Variants in ASXL2 observed in about 807,000 individuals in gnomAD.
ASXL2 encodes the protein ASXL transcriptional regulator 2.
Under a neutral mutation model 122.0 loss-of-function variants are expected in ASXL2, and 23 were observed. The observed-to-expected ratio is 0.19, with a 90% CI of 0.14 to 0.27. ASXL2 has a LOEUF of 0.27. Among genes scored for constraint, ASXL2 ranks in the 10% least tolerant of loss-of-function variants. The pLI, the probability that ASXL2 is intolerant of heterozygous loss-of-function variation, is 1.00. For synonymous variants in ASXL2, 650 were observed against 637.0 expected, an observed-to-expected ratio of 1.02 and a Z score of -0.31; for missense variants, 1,518 against 1,713.8, an observed-to-expected ratio of 0.89 and a Z score of 2.02.
Position 25,771,510 on chromosome 2 carries a change from G to A in ASXL2, c.434C>T (p.Pro145Leu), listed in dbSNP as rs759131979. 25 of 1,613,536 alleles carry A rather than the reference G, an allele frequency of 1.5e-5. 1 individual carries two copies. In the South Asian group the frequency reaches 2.3e-4, roughly 15 times the overall value. ...TTTACCTGCTGGAATGGTGGGTGAT[G>A]GGCAGCCTGACTGCGGGGAGGACGA... ...VSSSSPQSGC[P>L]SPTIPAGKVI... The change falls in exon 6 of 13, where the codon CCA (proline) becomes CTA (leucine). Residue 145 changes from proline to leucine, a missense_variant. Coordinates refer to ENST00000435504, the MANE Select transcript of ASXL2 (RefSeq NM_018263.6).
Position 25,744,052 on chromosome 2 carries a change from T to C in ASXL2, c.2285A>G (p.Gln762Arg). The C allele has an allele frequency of 6.2e-7, 1 of 1,614,020 alleles. No individual in the cohort carries two copies. Among genetic ancestry groups the C allele is most frequent in the South Asian group, 1.1e-5 (1 of 91,086 alleles). Residue 762 changes from glutamine (Q) to arginine (R), a missense_variant, in exon 13 of 13, where the codon CAG (glutamine) becomes CGG (arginine). By Grantham distance (43) the Gln-to-Arg change is conservative. Coordinates refer to ENST00000435504, the MANE Select transcript of ASXL2 (RefSeq NM_018263.6). The surrounding 1 kb of genome is among the most constrained non-coding windows in gnomAD (Gnocchi z 4.7). The stretch of plus-strand genomic sequence containing the variant: ...TCCAGAGACACTATGAGGCTGTGCC[T>C]GGCTTGGGGTGGTCTTGGTCTCAGA... ...PQSETKTTPS[Q>R]AQPHSVSGAQ...
Position 25,842,296 on chromosome 2 carries a change from C to T in ASXL2, c.140+3185G>A, listed in dbSNP as rs574455401. ...AAGCACATTCCCTGCTAAGGGTGGT[C>T]AGCATGTACTGCTTTGTTGTGCTGT... On this transcript the variant is annotated intron_variant, in intron 2 of 12. Transcript: ENST00000435504. Among the ~76,000 whole-genome samples, 5 of 152,204 alleles carry T rather than the reference C, an allele frequency of 3.3e-5. No homozygotes were observed. In the South Asian group the frequency reaches 1.0e-3, roughly 32 times the overall value.
At chr2:25,842,097 A>G (rs2089588436) in intron 2 of ASXL2, among the ~76,000 whole-genome samples, 1 of 151,440 alleles carries the variant, frequency 6.6e-6, no homozygotes, top group Non-Finnish European at 1.5e-5. Flanking sequence ...GGGCGACAAG[A>G]GCAAAACTCT....
intron 3 of ASXL2, chr2:25,822,719 G>C (rs72801839): frequency 0.026 from 18,467 of 697,908 alleles, 420 homozygotes; most frequent in African/African-American, 0.076. Context: ...AATCTGGCCA[G>C]TCATAGCCAA....
At chr2:25,777,598 A>G (rs911310432) in intron 5 of ASXL2, among the ~76,000 whole-genome samples, 9 of 152,218 alleles carry the variant, frequency 5.9e-5, no homozygotes, top group Middle Eastern at 3.4e-3. Context: ...TAAAAAAAAA[A>G]AGAGACTTAA....
In ASXL2 at chr2:25,734,055, GTTTT is replaced by G. The variant is rs879279365; in HGVS notation, c.*7970_*7973del. The G allele has an allele frequency of 2.2e-5, 3 of 134,452 alleles. No homozygotes were observed. Among genetic ancestry groups the G allele is most frequent in the Non-Finnish European group, 4.9e-5 (3 of 61,058 alleles). The allele number at this position is 134,452 out of a possible 1,614,324, so 8.3% of individuals were successfully genotyped here. A position where few individuals can be genotyped will look rare whatever the true frequency, so the allele number is the denominator to read the frequency against. On this transcript the variant is annotated 3_prime_UTR_variant, in exon 13 of 13. Transcript: ENST00000435504. ...CAATGCAGTCACAGAATTAAGACAG[GTTTT>G]TTTTTTTTAAAAAAAATAGGTCAAA...
chr2:25,775,204 T>C (rs1310086304), intron 5 of ASXL2, among the ~76,000 whole-genome samples: 1 of 152,186 alleles, frequency 6.6e-6, no homozygotes, highest in East Asian at 1.9e-4. Flanking sequence ...CTCAGCTCAC[T>C]GCAACCTCTG....
chr2:25,849,963 T>C (rs2089696941), intron 1 of ASXL2, among the ~76,000 whole-genome samples: 1 of 152,232 alleles, frequency 6.6e-6, no homozygotes, highest in Non-Finnish European at 1.5e-5. Flanking sequence ...TTTAAAACTT[T>C]TTATTATGGA....
intron 3 of ASXL2, among the ~76,000 whole-genome samples, chr2:25,831,635 CAA>C (rs2089452152): frequency 6.6e-6 from 1 of 151,776 alleles, no homozygotes; most frequent in African/African-American, 2.4e-5. Context: ...GCCTGGGCAA[CAA>C]AATGAGACCC....
rs1438565703 is a variant in ASXL2, at chr2:25,742,582, C to G, written c.3755G>C (p.Arg1252Thr). ...TLSKENYLFT[R>T]GQTFDEKTLA... is the part of the protein sequence containing the mutation. ...GGTCTTTTCATCAAATGTTTGGCCTCTAGTGAACAGGTAATTCTCCTTACT... is the reference window on the plus strand; with the variant it reads ...GGTCTTTTCATCAAATGTTTGGCCTGTAGTGAACAGGTAATTCTCCTTACT... Residue 1252 changes from arginine to threonine, a missense_variant, in exon 13 of 13, where the codon AGA becomes ACA. Physicochemically the swap from Arg to Thr is moderately conservative, Grantham distance 71. Coordinates refer to ENST00000435504, the MANE Select transcript of ASXL2 (RefSeq NM_018263.6). 3.1e-6 allele frequency: 5 copies of G among 1,613,866 alleles called. No individual in the cohort carries two copies. The African/African-American group carries it at 6.7e-5, about 22-fold the overall frequency.
intron 1 of ASXL2, among the ~76,000 whole-genome samples, chr2:25,859,114 C>T (rs2089817107): frequency 6.6e-6 from 1 of 151,834 alleles, no homozygotes; most frequent in Non-Finnish European, 1.5e-5. Context: ...CACGCCTGGC[C>T]TTTTCTTTTT....
At chr2:25,811,529 G>T (rs900482104) in intron 3 of ASXL2, among the ~76,000 whole-genome samples, 1 of 151,596 alleles carries the variant, frequency 6.6e-6, no homozygotes, top group Non-Finnish European at 1.5e-5. Context: ...AGAAAAAAAT[G>T]GAAAAAAGGA....
intron 3 of ASXL2, among the ~76,000 whole-genome samples, chr2:25,830,043 T>C (rs1409406456): frequency 6.6e-6 from 1 of 152,088 alleles, no homozygotes; most frequent in Non-Finnish European, 1.5e-5. Context: ...CAGAGATCAA[T>C]AAGAAGCAGC....
At chr2:25,785,439 G>C (rs906968186) in intron 5 of ASXL2, among the ~76,000 whole-genome samples, 1 of 151,838 alleles carries the variant, frequency 6.6e-6, no homozygotes. Context: ...TGGCCAGGCT[G>C]GTCTCAAACT....
chr2:25,742,004 T>G lies in ASXL2; in HGVS notation c.*25A>C, dbSNP rs367974288. Reference sequence around the variant, plus strand: ...GTCAACCCTTCCCTTCCCCCTCCTTTACAGTGTATCTCTTTCTAGTCTCAT... The same window carrying G: ...GTCAACCCTTCCCTTCCCCCTCCTTGACAGTGTATCTCTTTCTAGTCTCAT... On this transcript the variant is annotated 3_prime_UTR_variant, in exon 13 of 13. Transcript: ENST00000435504. 6.3e-7 allele frequency: 1 copy of G among 1,588,298 alleles called. No homozygotes were observed. Among genetic ancestry groups the G allele is most frequent in the Non-Finnish European group, 8.6e-7 (1 of 1,163,156 alleles).
At chr2:25,857,309 A>T (rs2089792142) in intron 1 of ASXL2, among the ~76,000 whole-genome samples, 1 of 152,170 alleles carries the variant, frequency 6.6e-6, no homozygotes, top group Admixed American at 6.5e-5. Context: ...CTGCAAAAAT[A>T]GTCACTTGGC....
intron 1 of ASXL2, among the ~76,000 whole-genome samples, chr2:25,870,743 T>C (rs1002442153): frequency 1.3e-5 from 2 of 152,022 alleles, no homozygotes; most frequent in South Asian, 2.1e-4. Context: ...AAGCTATCCA[T>C]GATATTCATA....
At chr2:25,855,760 C>T (rs1024209481) in intron 1 of ASXL2, among the ~76,000 whole-genome samples, 5 of 150,378 alleles carry the variant, frequency 3.3e-5, no homozygotes, top group African/African-American at 9.8e-5. Context: ...TGCTTGATCC[C>T]GGGAGGCAGA....
intron 1 of ASXL2, among the ~76,000 whole-genome samples, chr2:25,862,378 T>C (rs2089850337): frequency 6.6e-6 from 1 of 152,184 alleles, no homozygotes; most frequent in South Asian, 2.1e-4. Context: ...TATAAACAAT[T>C]ACAAAAGTAT....
Sources: allele counts gnomAD v4.1 joint callset (sites outside exome capture counted in the v4.1 genomes callset), GRCh38; gene constraint gnomAD v4.1.1; non-coding constraint Gnocchi (gnomAD v3.1); transcripts MANE v1.5; gene names NCBI Gene and HGNC (gene_info 2026-07-23, HGNC 2026-07-21).